The following ANO2 variants were observed in gnomAD, a reference collection of about 807,000 sequenced individuals.
ANO2 encodes anoctamin 2, also known as anoctamin-2.
Under a neutral mutation model 124.2 loss-of-function variants are expected in ANO2, and 101 were observed. The observed-to-expected ratio is 0.81, with a 90% CI of 0.69 to 0.96. The LOEUF is 0.96. Ranked by LOEUF, ANO2 falls within the 40% of genes least tolerant of loss-of-function variation. The pLI is 0.00. For synonymous variants in ANO2, 486 were observed against 482.5 expected, an observed-to-expected ratio of 1.01 and a Z score of -0.09; for missense variants, 1,293 against 1,274.5, an observed-to-expected ratio of 1.01 and a Z score of -0.22.
intron 12 of ANO2, 75 bp from the exon 13 acceptor site, chr12:5,739,474 T>A: frequency 8.0e-7 from 1 of 1,244,892 alleles, no homozygotes; most frequent in Non-Finnish European, 1.1e-6. Context: ...GGCTCACCAG[T>A]GGAGGTGGGG....
At chr12:5,704,398 T>TA (rs1026081900) in intron 14 of ANO2, among the ~76,000 whole-genome samples, 3 of 152,188 alleles carry the variant, frequency 2.0e-5, no homozygotes, top group Non-Finnish European at 4.4e-5. Flanking sequence ...CTTTACTTTT[T>TA]ATAATAGCAT....
chr12:5,927,279 A>G (rs762552845), intron 1 of ANO2, among the ~76,000 whole-genome samples: 2 of 152,198 alleles, frequency 1.3e-5, no homozygotes, highest in Admixed American at 6.5e-5. Flanking sequence ...GCTGTTTCAT[A>G]TCAGTGGCCT....
intron 7 of ANO2, among the ~76,000 whole-genome samples, chr12:5,812,051 G>T (rs1019095878): frequency 1.3e-5 from 2 of 150,368 alleles, no homozygotes; most frequent in Non-Finnish European, 3.0e-5. Flanking sequence ...GGAAGGGAAG[G>T]GTAAGGGAGG....
At chr12:5,587,851 C>G (rs1474556214) in intron 20 of ANO2, among the ~76,000 whole-genome samples, 1 of 152,144 alleles carries the variant, frequency 6.6e-6, no homozygotes, top group Non-Finnish European at 1.5e-5. Context: ...TCCCAGCCTC[C>G]CTTCACCTCG....
chr12:5,939,940 C>A (rs1310446787), intron 1 of ANO2, among the ~76,000 whole-genome samples: 1 of 152,182 alleles, frequency 6.6e-6, no homozygotes, highest in African/African-American at 2.4e-5. Context: ...CATGTTCACA[C>A]CTTATATTGT....
chr12:5,620,619 T>C (rs1044762932), intron 16 of ANO2, among the ~76,000 whole-genome samples: 1 of 152,220 alleles, frequency 6.6e-6, no homozygotes, highest in African/African-American at 2.4e-5. Flanking sequence ...TGGAATTCTA[T>C]AGCAGGCGTT....
intron 7 of ANO2, among the ~76,000 whole-genome samples, chr12:5,815,995 T>C (rs1953596775): frequency 6.6e-6 from 1 of 152,086 alleles, no homozygotes; most frequent in South Asian, 2.1e-4. Flanking sequence ...TCTTTTCTAT[T>C]TTCTAATATT....
chr12:5,616,913 C>A (rs1431846940), intron 16 of ANO2, among the ~76,000 whole-genome samples: 1 of 146,394 alleles, frequency 6.8e-6, no homozygotes, highest in Admixed American at 6.8e-5. Flanking sequence ...CACACCATAC[C>A]AAACTCTCCA....
chr12:5,864,793 C>T (rs918768702), intron 3 of ANO2, among the ~76,000 whole-genome samples: 1 of 152,162 alleles, frequency 6.6e-6, no homozygotes, highest in Non-Finnish European at 1.5e-5. Context: ...GCTAGACAAG[C>T]AAATCACAGG....
intron 3 of ANO2, among the ~76,000 whole-genome samples, chr12:5,918,077 C>T (rs1565777789): frequency 1.3e-5 from 2 of 152,008 alleles, no homozygotes; most frequent in South Asian, 2.1e-4. Context: ...AACAGAGGTA[C>T]GCACCACAGC....
In ANO2 at chr12:5,922,705, G is replaced by T; in HGVS notation, c.122C>A (p.Pro41Gln). The T allele has an allele frequency of 6.3e-7, 1 of 1,595,550 alleles. No individual in the cohort carries two copies. The highest frequency in any genetic ancestry group is 8.5e-7 in the Non-Finnish European group (1 of 1,172,526). ...CTGCAGACCTGGGGCCCGGGGACCTGGCATCTTGAGACACTGCTGTCCATG... is the reference window on the plus strand; with the variant it reads ...CTGCAGACCTGGGGCCCGGGGACCTTGCATCTTGAGACACTGCTGTCCATG... ...PKHGQQCLKMPGPRAPGLQGG... is the reference protein window; with the variant it reads ...PKHGQQCLKMQGPRAPGLQGG... Residue 41 changes from proline (P) to glutamine (Q), a missense_variant, in exon 2 of 25, where the codon CCA (proline) becomes CAA (glutamine). By Grantham distance (76) the Pro-to-Gln change is moderately conservative. Coordinates refer to ENST00000682330, the MANE Select transcript of ANO2 (RefSeq NM_001364791.2).
At chr12:5,763,001 T>C (rs1951783754) in intron 10 of ANO2, among the ~76,000 whole-genome samples, 1 of 152,010 alleles carries the variant, frequency 6.6e-6, no homozygotes, top group South Asian at 2.1e-4. Context: ...TGCATTTGCC[T>C]TGAAGTCTTT....
intron 14 of ANO2, among the ~76,000 whole-genome samples, chr12:5,670,710 TA>T (rs1480951310): frequency 2.7e-5 from 4 of 149,138 alleles, no homozygotes; most frequent in Non-Finnish European, 4.5e-5. Context: ...AATTTTTTTT[TA>T]AAAAATGTTA....
At chr12:5,708,221 C>T (rs1949688356) in intron 14 of ANO2, among the ~76,000 whole-genome samples, 1 of 152,208 alleles carries the variant, frequency 6.6e-6, no homozygotes, top group Non-Finnish European at 1.5e-5. Flanking sequence ...CTAGAAGACA[C>T]TGTCATCATC....
At chr12:5,859,656 C>T (rs1250662710) in intron 3 of ANO2, among the ~76,000 whole-genome samples, 1 of 152,096 alleles carries the variant, frequency 6.6e-6, no homozygotes, top group Non-Finnish European at 1.5e-5. Flanking sequence ...CCTCAGCCTC[C>T]CAAGAAGCTC....
intron 3 of ANO2, chr12:5,870,153 A>G (rs535972040): frequency 1.3e-5 from 2 of 152,474 alleles, no homozygotes; most frequent in Non-Finnish European, 2.9e-5. Context: ...CCATCTGCAG[A>G]GAAGCCTGGG....
intron 14 of ANO2, among the ~76,000 whole-genome samples, chr12:5,703,667 C>T (rs556417231): frequency 6.6e-6 from 1 of 152,268 alleles, no homozygotes; most frequent in South Asian, 2.1e-4. Flanking sequence ...CCAACTCAGC[C>T]TCCCGAGTAG....
chr12:5,646,967 C>T (rs1946669345), intron 15 of ANO2, among the ~76,000 whole-genome samples: 1 of 152,212 alleles, frequency 6.6e-6, no homozygotes, highest in Admixed American at 6.5e-5. Flanking sequence ...CCCTCTTCCA[C>T]CCTGCAACTA....
chr12:5,877,654 T>G (rs7298495), intron 3 of ANO2, among the ~76,000 whole-genome samples: 73,693 of 152,042 alleles, frequency 0.48, 18,090 homozygotes, highest in South Asian at 0.59. Flanking sequence ...TCATAAGATG[T>G]TTGTTTAAAG....
Sources: allele counts gnomAD v4.1 joint callset (sites outside exome capture counted in the v4.1 genomes callset), GRCh38; gene constraint gnomAD v4.1.1; transcripts MANE v1.5; gene names NCBI Gene and HGNC (gene_info 2026-07-23, HGNC 2026-07-21).